Variants in TRPC6 observed in about 807,000 individuals in gnomAD.
TRPC6 encodes transient receptor potential cation channel subfamily C member 6, also known as short transient receptor potential channel 6.
A neutral mutation model predicts 90.7 loss-of-function variants in TRPC6; 55 were observed. The observed-to-expected ratio is 0.61, with a 90% confidence interval of 0.49 to 0.76. The LOEUF (loss-of-function observed/expected upper bound fraction) is 0.76, where lower values mean the gene tolerates loss of function less well. Among genes scored for constraint, TRPC6 ranks in the 30% least tolerant of loss-of-function variants. The pLI, the probability that TRPC6 is intolerant of heterozygous loss-of-function variation, is 0.00. For synonymous variants in TRPC6, 393 were observed against 393.0 expected, an observed-to-expected ratio of 1.00 and a Z score of 0.00; for missense variants, 989 against 1,122.7, an observed-to-expected ratio of 0.88 and a Z score of 1.70.
intron 6 of TRPC6, among the ~76,000 whole-genome samples, chr11:101,474,693 A>G (rs746758042): frequency 7.2e-5 from 11 of 152,192 alleles, no homozygotes; most frequent in Non-Finnish European, 1.2e-4. Context: ...GATATTGCCA[A>G]TAAACTCACA....
In TRPC6 at chr11:101,506,354, T is replaced by C. The variant is rs567682074; in HGVS notation, c.171-1556A>G. On this transcript the variant is annotated intron_variant, in intron 1 of 12. Coordinates refer to ENST00000344327, the MANE Select transcript of TRPC6 (RefSeq NM_004621.6). ...CTCCAATATGTTCAGGTCTGGAGAA[T>C]CTTAGTTGCTTTCCCTACTGGCCTT... is the stretch of plus-strand genomic sequence containing the variant. Among the ~76,000 whole-genome samples, 107 of 152,040 alleles carry C rather than the reference T, an allele frequency of 7.0e-4. No homozygotes were observed. In the Middle Eastern group the frequency reaches 0.01, roughly 14 times the overall value.
At chr11:101,515,438 A>G (rs1156999651) in intron 1 of TRPC6, among the ~76,000 whole-genome samples, 1 of 152,190 alleles carries the variant, frequency 6.6e-6, no homozygotes, top group Non-Finnish European at 1.5e-5. Context: ...ATCTGTGACT[A>G]TATATTTCCC....
At chr11:101,580,044 T>A (rs1862160016) in intron 1 of TRPC6, among the ~76,000 whole-genome samples, 1 of 152,166 alleles carries the variant, frequency 6.6e-6, no homozygotes, top group Non-Finnish European at 1.5e-5. Context: ...TTTTATCCAG[T>A]ACTGCCAGGT....
At chr11:101,500,268 G>C (rs1337100380) in intron 2 of TRPC6, among the ~76,000 whole-genome samples, 1 of 146,992 alleles carries the variant, frequency 6.8e-6, no homozygotes, top group African/African-American at 2.5e-5. Flanking sequence ...GAGTGCGGTG[G>C]CGCAATCTCA....
chr11:101,571,813 C>G (rs1256873997), intron 1 of TRPC6, among the ~76,000 whole-genome samples: 1 of 152,128 alleles, frequency 6.6e-6, no homozygotes, highest in Non-Finnish European at 1.5e-5. Context: ...AACTGGCTAG[C>G]CATATGCAGA....
At chr11:101,513,808 G>T (rs184521701) in intron 1 of TRPC6, among the ~76,000 whole-genome samples, 1 of 152,274 alleles carries the variant, frequency 6.6e-6, no homozygotes, top group East Asian at 1.9e-4. Flanking sequence ...TGTGGAGGGG[G>T]AGAACAAGGA....
intron 1 of TRPC6, among the ~76,000 whole-genome samples, chr11:101,529,205 G>A (rs573736282): frequency 1.9e-4 from 29 of 152,316 alleles, no homozygotes; most frequent in African/African-American, 6.7e-4. Context: ...CAGAAAGGAT[G>A]AAGGGAGTTC....
chr11:101,455,071 T>C lies in TRPC6; in HGVS notation c.2515A>G (p.Ser839Gly). 1 of 1,612,582 alleles carries C rather than the reference T, an allele frequency of 6.2e-7. No individual in the cohort carries two copies. The highest frequency in any genetic ancestry group is 1.1e-5 in the South Asian group (1 of 91,040). ...CTATTTAGATGGAAATCTTCTGAGC[T>C]CCTTATACTTGGTTGTTTATTGTGC... ...VGHNKQPSIR[S>G]SEDFHLNSFN... is the part of the protein sequence containing the mutation. The change falls in exon 11 of 13, where the codon AGC (serine) becomes GGC (glycine). Residue 839 changes from serine to glycine, a missense_variant. This residue lies in a region of TRPC6 where 191 missense variants were observed against 196.7 expected (regional missense o/e 0.97). Transcript: ENST00000344327.
chr11:101,481,892 C>T (rs1312850145), intron 5 of TRPC6, among the ~76,000 whole-genome samples: 1 of 152,230 alleles, frequency 6.6e-6, no homozygotes, highest in East Asian at 1.9e-4. Context: ...TGCACCTTGG[C>T]TCCTTCTCTG....
At chr11:101,542,403 A>C (rs1222231668) in intron 1 of TRPC6, among the ~76,000 whole-genome samples, 1 of 152,206 alleles carries the variant, frequency 6.6e-6, no homozygotes, top group Non-Finnish European at 1.5e-5. Context: ...TCTGGGACAG[A>C]TCTAGCTTTG....
intron 2 of TRPC6, among the ~76,000 whole-genome samples, chr11:101,502,167 A>C (rs1445160850): frequency 6.6e-6 from 1 of 152,178 alleles, no homozygotes; most frequent in Non-Finnish European, 1.5e-5. Context: ...TTACGTCTTC[A>C]TCATCGTGTG....
In TRPC6 at chr11:101,504,478, G is replaced by C. The variant is rs1236913543; in HGVS notation, c.491C>G (p.Ala164Gly). 5 of 1,613,994 alleles carry C rather than the reference G, an allele frequency of 3.1e-6. No individual in the cohort carries two copies. Among genetic ancestry groups the C allele is most frequent in the African/African-American group, 1.3e-5 (1 of 74,926 alleles). The change falls in exon 2 of 13, where the codon GCT becomes GGT. Residue 164 changes from alanine to glycine, a missense_variant. By Grantham distance (60) the Ala-to-Gly change is moderately conservative. Around this residue, in one of 4 missense-constraint regions of TRPC6, gnomAD observed 486 missense variants for 591.9 expected, o/e 0.82. Coordinates refer to ENST00000344327, the MANE Select transcript of TRPC6 (RefSeq NM_004621.6). ...KKENLSRVGD[A>G]LLLAISKGYV... ...ACCTTTACTAATAGCTAGAAGCAAA[G>C]CATCCCCAACTCGAGAGAGGTTTTC...
chr11:101,541,361 A>AT (rs1400357124), intron 1 of TRPC6, among the ~76,000 whole-genome samples: 1 of 151,628 alleles, frequency 6.6e-6, no homozygotes, highest in Non-Finnish European at 1.5e-5. Context: ...AAATGACTGT[A>AT]TTTTTTTGTT....
At chr11:101,484,907 C>T (rs1290648360) in intron 4 of TRPC6, among the ~76,000 whole-genome samples, 1 of 151,844 alleles carries the variant, frequency 6.6e-6, no homozygotes, top group Admixed American at 6.6e-5. Context: ...TGTGTCAATA[C>T]GTATAACATA....
intron 1 of TRPC6, among the ~76,000 whole-genome samples, chr11:101,573,433 T>C (rs1862006909): frequency 6.6e-6 from 1 of 152,196 alleles, no homozygotes; most frequent in Non-Finnish European, 1.5e-5. Context: ...GAACTTCTTT[T>C]TCTGCATTTA....
intron 1 of TRPC6, among the ~76,000 whole-genome samples, chr11:101,506,351 G>C (rs1319439444): frequency 6.6e-6 from 1 of 152,100 alleles, no homozygotes; most frequent in Non-Finnish European, 1.5e-5. Context: ...CAGGTCTGGA[G>C]AATCTTAGTT....
intron 1 of TRPC6, among the ~76,000 whole-genome samples, chr11:101,568,874 G>A (rs1861893447): frequency 6.6e-6 from 1 of 152,134 alleles, no homozygotes; most frequent in Admixed American, 6.6e-5. Flanking sequence ...CACTCAACAT[G>A]GAAAGAAACA....
intron 1 of TRPC6, among the ~76,000 whole-genome samples, chr11:101,543,886 G>A (rs543331848): frequency 3.9e-4 from 59 of 152,246 alleles, no homozygotes; most frequent in African/African-American, 1.1e-3. Flanking sequence ...ACACAAATGC[G>A]ATCTAATTAA....
At chr11:101,518,889 C>T (rs1054196939) in intron 1 of TRPC6, among the ~76,000 whole-genome samples, 1 of 152,156 alleles carries the variant, frequency 6.6e-6, no homozygotes, top group Non-Finnish European at 1.5e-5. Context: ...GCATTTGCAA[C>T]AACATGGATG....
Sources: gnomAD v4.1 joint callset for allele counts (sites outside exome capture counted in the v4.1 genomes callset) on GRCh38, gnomAD v4.1.1 for gene constraint, gnomAD v4.1.1 regional missense constraint, MANE v1.5 for transcripts, NCBI Gene and HGNC (gene_info 2026-07-23, HGNC 2026-07-21) for gene names.